The following NELL1 variants were observed in gnomAD, a reference collection of about 807,000 sequenced individuals.
NELL1 encodes the protein neural EGFL like 1.
NELL1 carries 76 observed loss-of-function variants against 107.4 expected under a neutral mutation model. The ratio of observed to expected loss-of-function variants is 0.71; its 90% CI spans 0.59 to 0.86. The LOEUF is 0.86. NELL1 is among the 40% of genes least tolerant of loss of function. NELL1 has a pLI of 0.00. For missense variants in NELL1, 1,024 were observed against 1,005.5 expected (o/e 1.02, Z -0.25); for synonymous variants, 353 against 341.2 (o/e 1.03, Z -0.38).
chr11:21,574,604 T>C lies in NELL1; in HGVS notation c.2383-368T>C, dbSNP rs570587927. On this transcript the variant is annotated intron_variant, in intron 19 of 19. Transcript: ENST00000357134. Reference sequence around the variant, plus strand: ...GGGTACTTTCAAATAGCTTCTTAAATGACAAATTGCTATCTTTTAGGGATT... The same window carrying C: ...GGGTACTTTCAAATAGCTTCTTAAACGACAAATTGCTATCTTTTAGGGATT... 3.1e-3 allele frequency among the ~76,000 whole-genome samples: 468 copies of C among 151,958 alleles called. 5 individuals carry two copies. The highest frequency in any genetic ancestry group is 0.01 in the African/African-American group (419 of 41,506).
In NELL1 at chr11:20,799,203, G is replaced by T. The variant is rs113836859; in HGVS notation, c.335+15373G>T. Among the ~76,000 whole-genome samples the T allele has an allele frequency of 1.8e-3, 280 of 152,326 alleles. 2 individuals carry two copies. The highest frequency in any genetic ancestry group is 6.6e-3 in the African/African-American group (275 of 41,570). ...GAAGGATCCAGTTTGGTATGTTTAG[G>T]AGACAGACCAAGAGCTAGTGCATTT... On this transcript the variant is annotated intron_variant, in intron 3 of 19. Transcript: ENST00000357134.
At chr11:20,755,405 C>T (rs1224331310) in intron 2 of NELL1, among the ~76,000 whole-genome samples, 1 of 152,066 alleles carries the variant, frequency 6.6e-6, no homozygotes, top group Non-Finnish European at 1.5e-5. Flanking sequence ...GGACTGTAAC[C>T]AGAAACCAAA....
intron 13 of NELL1, among the ~76,000 whole-genome samples, chr11:21,224,960 T>C (rs1023640739): frequency 6.6e-6 from 1 of 152,196 alleles, no homozygotes; most frequent in Non-Finnish European, 1.5e-5. Flanking sequence ...TTCATAGACT[T>C]CATTTGCTTT....
rs575209379 is a variant in NELL1, at chr11:20,894,768, T to C, written c.603+9228T>C. Among the ~76,000 whole-genome samples the C allele has an allele frequency of 2.0e-5, 3 of 152,296 alleles. No homozygotes were observed. In the South Asian group the frequency reaches 6.2e-4, roughly 32 times the overall value. On this transcript the variant is annotated intron_variant, in intron 5 of 19. Transcript: ENST00000357134. ...TATGACCAAGAAAGAATACTCTAGG[T>C]ACCTAATGTCTAATAGAGATATGCA...
chr11:20,697,556 A>C (rs1187266838), intron 2 of NELL1, among the ~76,000 whole-genome samples: 1 of 152,150 alleles, frequency 6.6e-6, no homozygotes, highest in Non-Finnish European at 1.5e-5. Flanking sequence ...AGATTCAGGA[A>C]TTTAGCACCT....
intron 14 of NELL1, among the ~76,000 whole-genome samples, chr11:21,323,647 C>T (rs550732095): frequency 7.2e-5 from 11 of 152,174 alleles, no homozygotes; most frequent in African/African-American, 2.4e-4. Flanking sequence ...AAAATGTCAC[C>T]TCAAAAAAAG....
chr11:21,208,004 A>G, intron 13 of NELL1, among the ~76,000 whole-genome samples: 1 of 152,188 alleles, frequency 6.6e-6, no homozygotes, highest in East Asian at 1.9e-4. Flanking sequence ...CCATCATCTC[A>G]TATACTTACC....
chr11:21,385,646 G>T (rs938571612), intron 15 of NELL1, among the ~76,000 whole-genome samples: 1 of 151,838 alleles, frequency 6.6e-6, no homozygotes, highest in East Asian at 1.9e-4. Context: ...ATGTTCTTCC[G>T]GCATTGCAGC....
At chr11:21,111,571 G>A (rs1223842473) in intron 12 of NELL1, among the ~76,000 whole-genome samples, 1 of 152,066 alleles carries the variant, frequency 6.6e-6, no homozygotes, top group Non-Finnish European at 1.5e-5. Flanking sequence ...GTATATGGTG[G>A]CTTGCTCCTC....
intron 10 of NELL1, among the ~76,000 whole-genome samples, chr11:20,946,657 G>T (rs1378628538): frequency 1.3e-5 from 2 of 152,074 alleles, no homozygotes; most frequent in Non-Finnish European, 2.9e-5. Flanking sequence ...CACTAATCAA[G>T]TTCCCTCAAA....
rs565557215 is a variant in NELL1, at chr11:20,937,094, G to A, written c.998-692G>A. On this transcript the variant is annotated intron_variant, in intron 9 of 19. Transcript: ENST00000357134. ...TGACATATGCTGTACTTGCTTAAAA[G>A]TGAGTCAGCCAGTTAAGTCAAGAAA... 3.9e-5 allele frequency among the ~76,000 whole-genome samples: 6 copies of A among 152,322 alleles called. No homozygotes were observed. The South Asian group carries it at 8.3e-4, about 21-fold the overall frequency.
chr11:20,975,107 C>T (rs1226066102), intron 12 of NELL1, among the ~76,000 whole-genome samples: 1 of 152,130 alleles, frequency 6.6e-6, no homozygotes, highest in Non-Finnish European at 1.5e-5. Flanking sequence ...CTCCCAGGTT[C>T]AAGCGATTCT....
intron 1 of NELL1, among the ~76,000 whole-genome samples, chr11:20,670,834 C>A (rs1305621641): frequency 2.6e-5 from 4 of 152,228 alleles, no homozygotes; most frequent in Non-Finnish European, 5.9e-5. Context: ...TTTATTCTCC[C>A]CCCTTTACCA....
At position 21,464,282 on chromosome 11, in the gene NELL1, C is replaced by T. The variant is rs189513388; in HGVS notation, c.1646-70092C>T. The stretch of plus-strand genomic sequence containing the variant: ...TTTTAAACTGCCACATTTACTAACA[C>T]ATTTCACAAAGTAATTAAACTACCT... On this transcript the variant is annotated intron_variant, in intron 15 of 19. Coordinates refer to ENST00000357134, the MANE Select transcript of NELL1 (RefSeq NM_006157.5). 3.1e-3 allele frequency among the ~76,000 whole-genome samples: 474 copies of T among 152,008 alleles called. 3 individuals are homozygous for T. The highest frequency in any genetic ancestry group is 0.011 in the African/African-American group (461 of 41,456).
chr11:21,170,743 T>C (rs1856590037), intron 13 of NELL1, among the ~76,000 whole-genome samples: 1 of 150,320 alleles, frequency 6.7e-6, no homozygotes, highest in Admixed American at 6.6e-5. Context: ...ATAAAGTATA[T>C]GTACAATTGT....
intron 12 of NELL1, among the ~76,000 whole-genome samples, chr11:21,000,489 G>A (rs1326437458): frequency 1.3e-5 from 2 of 152,060 alleles, no homozygotes; most frequent in African/African-American, 4.8e-5. Context: ...TAGCAGTTAG[G>A]ACATGACATA....
chr11:21,503,714 G>GATTT (rs1159079625), intron 15 of NELL1, among the ~76,000 whole-genome samples: 2 of 152,124 alleles, frequency 1.3e-5, no homozygotes, highest in Non-Finnish European at 2.9e-5. Context: ...CAGTCATTTA[G>GATTT]AGGCTATTCT....
At chr11:21,068,679 C>T (rs894437783) in intron 12 of NELL1, among the ~76,000 whole-genome samples, 1 of 152,168 alleles carries the variant, frequency 6.6e-6, no homozygotes, top group African/African-American at 2.4e-5. Context: ...AAGGCCAGTC[C>T]ACCGATAATG....
intron 15 of NELL1, among the ~76,000 whole-genome samples, chr11:21,482,008 C>T (rs1379030728): frequency 6.6e-6 from 1 of 151,958 alleles, no homozygotes; most frequent in Admixed American, 6.6e-5. Flanking sequence ...TTATAATTCC[C>T]CTCCCTGTTC....
Sources: allele counts gnomAD v4.1 joint callset (sites outside exome capture counted in the v4.1 genomes callset), GRCh38; gene constraint gnomAD v4.1.1; transcripts MANE v1.5; gene names NCBI Gene and HGNC (gene_info 2026-07-23, HGNC 2026-07-21).